The following NHSL1 variants were observed in gnomAD, a reference collection of about 807,000 sequenced individuals.
NHSL1 encodes NHS-like protein 1.
NHSL1 carries 48 observed loss-of-function variants against 95.0 expected under a neutral mutation model. The observed-to-expected ratio is 0.51, with a 90% CI of 0.40 to 0.64. The LOEUF (loss-of-function observed/expected upper bound fraction) is 0.64. Ranked by LOEUF, NHSL1 falls within the 30% of genes least tolerant of loss-of-function variation. The probability of loss-of-function intolerance (pLI) is 0.00; values close to 1 mark genes in which losing one functional copy is unlikely to be tolerated. For synonymous variants in NHSL1, 783 were observed against 833.9 expected (o/e 0.94, Z 1.05); for missense variants, 1,971 against 2,077.7 (o/e 0.95, Z 1.00).
At chr6:138,438,227 C>G (rs1776310062) in intron 5 of NHSL1, among the ~76,000 whole-genome samples, 1 of 152,184 alleles carries the variant, frequency 6.6e-6, no homozygotes, top group Non-Finnish European at 1.5e-5. Flanking sequence ...CAGCAACCAC[C>G]ACCCTGATCA....
chr6:138,583,355 G>T (rs1262046653), intron 1 of NHSL1, among the ~76,000 whole-genome samples: 1 of 152,142 alleles, frequency 6.6e-6, no homozygotes, highest in East Asian at 1.9e-4. Context: ...CCAAGGAAGT[G>T]GGGGCAGGGG....
At chr6:138,440,396 C>T (rs1422329997) in intron 5 of NHSL1, among the ~76,000 whole-genome samples, 1 of 152,126 alleles carries the variant, frequency 6.6e-6, no homozygotes, top group Non-Finnish European at 1.5e-5. Context: ...CTCAGGTAGC[C>T]ACAGAGGAAC....
At chr6:138,692,922 A>AGGACGGAC (rs1051069271), upstream of NHSL1, among the ~76,000 whole-genome samples, 2 of 150,138 alleles carry the variant, frequency 1.3e-5, no homozygotes, top group African/African-American at 2.4e-5. The surrounding 1 kb of genome is among the most constrained non-coding windows in gnomAD (Gnocchi z 4.0). Flanking sequence ...GCGGGCAGGA[A>AGGACGGAC]GGACGGACGG....
chr6:138,668,729 T>G (rs910708473), intron 1 of NHSL1, among the ~76,000 whole-genome samples: 75 of 151,272 alleles, frequency 5.0e-4, no homozygotes, highest in African/African-American at 1.7e-3. Context: ...GGTTAAGCGA[T>G]TCTCCTGCCT....
At chr6:138,576,894 A>C (rs2114473952), upstream of NHSL1, among the ~76,000 whole-genome samples, 1 of 152,290 alleles carries the variant, frequency 6.6e-6, no homozygotes, top group African/African-American at 2.4e-5. Context: ...ACAAGAAATT[A>C]CTCTATATTA....
chr6:138,687,891 G>A (rs1387473276), intron 1 of NHSL1, among the ~76,000 whole-genome samples: 1 of 152,084 alleles, frequency 6.6e-6, no homozygotes, highest in East Asian at 1.9e-4. Context: ...TGATAAAAAT[G>A]TTCTAAAATT....
chr6:138,537,438 AC>A (rs1782402269), intron 1 of NHSL1, among the ~76,000 whole-genome samples: 1 of 152,246 alleles, frequency 6.6e-6, no homozygotes, highest in African/African-American at 2.4e-5. Flanking sequence ...ACTGAGAAAT[AC>A]ATCTGCCTTT....
chr6:138,496,518 T>C, intron 1 of NHSL1, 147 bp from the exon 2 acceptor site: 1 of 760,830 alleles, frequency 1.3e-6, no homozygotes, highest in South Asian at 1.7e-5. Flanking sequence ...GTTTTAATCT[T>C]AGATTCCAGG....
chr6:138,507,345 G>A (rs1011990023), intron 1 of NHSL1, among the ~76,000 whole-genome samples: 1 of 152,104 alleles, frequency 6.6e-6, no homozygotes, highest in Non-Finnish European at 1.5e-5. Context: ...ACTTAAAGTG[G>A]GACATTATGC....
chr6:138,692,403 A>AG lies in NHSL1; in HGVS notation c.96+72dup. 1 of 276,138 alleles carries AG rather than the reference A, an allele frequency of 3.6e-6. No homozygotes were observed. Among genetic ancestry groups the AG allele is most frequent in the Admixed American group, 4.8e-5 (1 of 21,022 alleles). The allele number at this position is 276,138 out of a possible 1,614,324, so 17.1% of individuals were successfully genotyped here. On this transcript the variant is annotated intron_variant, in intron 1 of 3. Transcript: ENST00000491526. This position sits in a 1 kb window ranked among gnomAD's most constrained non-coding sequence, Gnocchi z 4.0. Reference sequence around the variant, plus strand: ...GCCCCCGCGCCGACCCAGGGCCGCCAGGGGGCGGGCGGGAGCAGCTCTCCG... The same window carrying AG: ...GCCCCCGCGCCGACCCAGGGCCGCCAGGGGGGCGGGCGGGAGCAGCTCTCCG...
At chr6:138,546,427 C>CCA (rs1782797834), upstream of NHSL1, among the ~76,000 whole-genome samples, 1 of 50,918 alleles carries the variant, frequency 2.0e-5, no homozygotes, top group Non-Finnish European at 3.7e-5. Flanking sequence ...CCCATCTCTA[C>CCA]AAAAAAAAAA....
Position 138,424,147 on chromosome 6 carries a change from C to T in NHSL1, c.4755G>A (p.Gly1585=). 2 of 1,442,168 alleles carry T rather than the reference C, an allele frequency of 1.4e-6. No individual in the cohort carries two copies. The highest frequency in any genetic ancestry group is 1.8e-6 in the Non-Finnish European group (2 of 1,100,610). 89.3% of individuals were successfully genotyped at this position (1,442,168 alleles called of 1,614,324 possible). Residue 1585 remains glycine (G), a synonymous_variant, in exon 8 of 8, where the codon GGG becomes GGA. Coordinates refer to ENST00000343505, the MANE Select transcript of NHSL1 (RefSeq NM_001144060.2). The surrounding 1 kb of genome is among the most constrained non-coding windows in gnomAD (Gnocchi z 5.9). ...GCTCTCTGCCCTCTGCACTGGCTGT[C>T]CCATCCACAGGGCCGGGGGCCTGGG... is the stretch of plus-strand genomic sequence containing the variant. ...LQPQAPGPVD[G]TASAEGREPS...
chr6:138,539,781 C>G (rs1782508810), intron 1 of NHSL1, among the ~76,000 whole-genome samples: 1 of 152,168 alleles, frequency 6.6e-6, no homozygotes, highest in South Asian at 2.1e-4. Context: ...AACAAGCAGA[C>G]CCCAAGTTCT....
At chr6:138,657,604 G>C (rs917211992) in intron 1 of NHSL1, among the ~76,000 whole-genome samples, 4 of 151,962 alleles carry the variant, frequency 2.6e-5, no homozygotes, top group Non-Finnish European at 5.9e-5. Flanking sequence ...ACGAGGTCAG[G>C]AGATCGAGAC....
At chr6:138,450,270 G>C (rs1777144177) in intron 3 of NHSL1, among the ~76,000 whole-genome samples, 1 of 152,184 alleles carries the variant, frequency 6.6e-6, no homozygotes, top group Non-Finnish European at 1.5e-5. Context: ...ACATGTCTGA[G>C]TTTGAATTTC....
chr6:138,510,524 A>C (rs1781171813), intron 1 of NHSL1, among the ~76,000 whole-genome samples: 2 of 152,306 alleles, frequency 1.3e-5, no homozygotes, highest in Admixed American at 1.3e-4. Context: ...AATTCTCCAA[A>C]CAGCAAAATC....
chr6:138,552,979 T>C (rs77949626), intron 1 of NHSL1, among the ~76,000 whole-genome samples: 1,927 of 152,348 alleles, frequency 0.013, 15 homozygotes, highest in Middle Eastern at 0.031. Flanking sequence ...GTTGATATTT[T>C]TTCTTTCGAA....
At chr6:138,518,154 T>C (rs1457476412) in intron 1 of NHSL1, among the ~76,000 whole-genome samples, 1 of 152,246 alleles carries the variant, frequency 6.6e-6, no homozygotes, top group Non-Finnish European at 1.5e-5. Flanking sequence ...TTGTGGTCTC[T>C]TATTTCAGTT....
intron 1 of NHSL1, among the ~76,000 whole-genome samples, chr6:138,587,323 T>G (rs1027797141): frequency 4.6e-5 from 7 of 151,620 alleles, no homozygotes; most frequent in African/African-American, 1.7e-4. Flanking sequence ...GGCTCACACC[T>G]GTAATCTCAG....
Sources: gnomAD v4.1 joint callset for allele counts (sites outside exome capture counted in the v4.1 genomes callset) on GRCh38, gnomAD v4.1.1 for gene constraint, Gnocchi (gnomAD v3.1) non-coding constraint, MANE v1.5 for transcripts, NCBI Gene and HGNC (gene_info 2026-07-23, HGNC 2026-07-21) for gene names.